Variants in PALS2 observed in about 807,000 individuals in gnomAD.
PALS2 encodes protein associated with LIN7 2, MAGUK p55 family member, also known as protein PALS2.
A neutral mutation model predicts 61.6 loss-of-function variants in PALS2; 27 were observed. The ratio of observed to expected loss-of-function variants is 0.44; its 90% CI spans 0.32 to 0.60. PALS2 has a LOEUF of 0.60. PALS2 is among the 20% of genes least tolerant of loss of function. PALS2 has a pLI of 0.05. For synonymous variants in PALS2, 236 were observed against 218.6 expected (o/e 1.08, Z -0.70); for missense variants, 554 against 639.4 (o/e 0.87, Z 1.44).
intron 1 of PALS2, among the ~76,000 whole-genome samples, chr7:24,583,657 A>G (rs995745376): frequency 2.3e-4 from 24 of 104,114 alleles, no homozygotes; most frequent in African/African-American, 1.4e-3. Flanking sequence ...CTAAATATTT[A>G]TTTAATTTTT....
At chr7:24,650,793 C>G in intron 5 of PALS2, 81 bp downstream of exon 5, 1 of 983,558 alleles carries the variant, frequency 1.0e-6, no homozygotes, top group Non-Finnish European at 1.4e-6. Flanking sequence ...TCAGTTGCTA[C>G]TATTTTGCTA....
At chr7:24,656,007 C>A (rs530625298) in intron 5 of PALS2, among the ~76,000 whole-genome samples, 27 of 152,200 alleles carry the variant, frequency 1.8e-4, no homozygotes, top group Admixed American at 8.5e-4. Context: ...ACGAAGTAGA[C>A]CAAGTTCGTA....
chr7:24,636,758 G>C (rs1454941414), intron 2 of PALS2, among the ~76,000 whole-genome samples: 5 of 151,920 alleles, frequency 3.3e-5, no homozygotes, highest in Admixed American at 3.3e-4. Context: ...TTCTCTTAAT[G>C]AGTTGTTGAT....
intron 1 of PALS2, among the ~76,000 whole-genome samples, chr7:24,610,562 G>A (rs2128051865): frequency 6.6e-6 from 1 of 152,298 alleles, no homozygotes; most frequent in Admixed American, 6.5e-5. Context: ...AGTAGTTTGA[G>A]AGGGAAGATA....
chr7:24,610,026 G>A (rs538368159), intron 1 of PALS2, among the ~76,000 whole-genome samples: 1 of 152,172 alleles, frequency 6.6e-6, no homozygotes, highest in East Asian at 1.9e-4. Flanking sequence ...TACTTCCAGT[G>A]GTGTGTCCCC....
At position 24,689,496 on chromosome 7, in the gene PALS2, G is replaced by A. The variant is rs1271224304; in HGVS notation, c.*1882G>A. On this transcript the variant is annotated 3_prime_UTR_variant, in exon 12 of 12. Coordinates refer to ENST00000222644, the MANE Select transcript of PALS2 (RefSeq NM_001303037.2). ...AAAATATATGACAATAGGCAGTATT[G>A]ACACATTGTTTAAAATCTTTTTCAC... 6.6e-6 allele frequency: 1 copy of A among 151,588 alleles called. No individual in the cohort carries two copies. Among genetic ancestry groups the A allele is most frequent in the African/African-American group, 2.4e-5 (1 of 41,284 alleles). 9.4% of individuals were successfully genotyped at this position (151,588 alleles called of 1,614,324 possible).
intron 5 of PALS2, among the ~76,000 whole-genome samples, chr7:24,656,607 A>T (rs1489850986): frequency 6.6e-6 from 1 of 152,126 alleles, no homozygotes; most frequent in East Asian, 1.9e-4. Flanking sequence ...CTGCAGCCTC[A>T]GCCTCCCAGG....
chr7:24,686,028 A>T (rs1788185396), intron 11 of PALS2, among the ~76,000 whole-genome samples: 1 of 152,158 alleles, frequency 6.6e-6, no homozygotes, highest in South Asian at 2.1e-4. Context: ...CATATTACAA[A>T]GTAGCACACT....
At chr7:24,602,283 T>G (rs987012806) in intron 1 of PALS2, among the ~76,000 whole-genome samples, 2 of 152,172 alleles carry the variant, frequency 1.3e-5, no homozygotes, top group African/African-American at 4.8e-5. Context: ...TAACTGTTTC[T>G]TTTTTCAACC....
At chr7:24,621,440 C>A (rs1231005030) in intron 1 of PALS2, among the ~76,000 whole-genome samples, 12 of 151,940 alleles carry the variant, frequency 7.9e-5, no homozygotes, top group African/African-American at 2.7e-4. Context: ...CTTAAGAGTT[C>A]CATATGAAAA....
rs1787892610 is a variant in PALS2 at position 24,680,911 on chromosome 7, A to T, written c.1446+391A>T. Among the ~76,000 whole-genome samples, 5 of 152,332 alleles carry T rather than the reference A, an allele frequency of 3.3e-5. No homozygotes were observed. The South Asian group carries it at 1.0e-3, about 32-fold the overall frequency. ...GTGCCTGGCCAACTCTTAGCTAATT[A>T]TGCTTATGAAATAAACATGCTATAT... On this transcript the variant is annotated intron_variant, in intron 11 of 11. Coordinates refer to ENST00000222644, the MANE Select transcript of PALS2 (RefSeq NM_001303037.2).
At chr7:24,627,615 G>T (rs867165225) in intron 2 of PALS2, among the ~76,000 whole-genome samples, 3 of 151,918 alleles carry the variant, frequency 2.0e-5, no homozygotes, top group Admixed American at 6.6e-5. Context: ...TAGATAGACC[G>T]CTAGCCAGAC....
chr7:24,686,812 C>T (rs984107670), intron 11 of PALS2, among the ~76,000 whole-genome samples: 6 of 152,180 alleles, frequency 3.9e-5, no homozygotes, highest in Admixed American at 2.0e-4. Context: ...AAAAGCTTTA[C>T]TTATGTAGAA....
intron 1 of PALS2, among the ~76,000 whole-genome samples, chr7:24,588,595 A>C (rs1351700215): frequency 6.6e-6 from 1 of 152,208 alleles, no homozygotes; most frequent in Admixed American, 6.5e-5. Flanking sequence ...AGTATATAAA[A>C]AGTTTGAACA....
chr7:24,600,034 T>A (rs1583854801), intron 1 of PALS2, among the ~76,000 whole-genome samples: 1 of 152,104 alleles, frequency 6.6e-6, no homozygotes, highest in Non-Finnish European at 1.5e-5. Flanking sequence ...AGAACCTGCC[T>A]GAGGATCTTC....
intron 1 of PALS2, among the ~76,000 whole-genome samples, chr7:24,599,104 GCAAACATAGAGAGTACTAACA>G (rs1562606092): frequency 1.3e-5 from 2 of 152,150 alleles, no homozygotes; most frequent in Non-Finnish European, 2.9e-5. Flanking sequence ...TCATGATCGT[GCAAACATAGAGAGTACTAACA>G]CAAACATAGA....
chr7:24,667,224 GC>G (rs1410675978), intron 8 of PALS2, among the ~76,000 whole-genome samples: 6 of 152,024 alleles, frequency 3.9e-5, no homozygotes, highest in Non-Finnish European at 1.5e-5. Context: ...TGCCCATAAG[GC>G]TTTTTTGCAA....
At chr7:24,642,374 C>T (rs1785602171) in intron 3 of PALS2, among the ~76,000 whole-genome samples, 1 of 152,080 alleles carries the variant, frequency 6.6e-6, no homozygotes, top group Non-Finnish European at 1.5e-5. Context: ...ATGAAGAGTT[C>T]ATCAGTTTTA....
chr7:24,614,460 T>C (rs1394496539), intron 1 of PALS2, among the ~76,000 whole-genome samples: 2 of 152,006 alleles, frequency 1.3e-5, no homozygotes, highest in Non-Finnish European at 2.9e-5. Flanking sequence ...CAATTTGACT[T>C]CTCCCTTTCC....
Sources: allele counts gnomAD v4.1 joint callset (sites outside exome capture counted in the v4.1 genomes callset), GRCh38; gene constraint gnomAD v4.1.1; transcripts MANE v1.5; gene names NCBI Gene and HGNC (gene_info 2026-07-23, HGNC 2026-07-21).